Variants in NCALD observed in about 807,000 individuals in gnomAD.
NCALD encodes the protein neurocalcin delta, also known as neurocalcin-delta.
In NCALD, 10 loss-of-function variants were observed where a neutral mutation model predicts 18.6. The ratio of observed to expected loss-of-function variants is 0.54; its 90% CI spans 0.33 to 0.91. The LOEUF (loss-of-function observed/expected upper bound fraction) is 0.91, where lower values mean the gene tolerates loss of function less well. Among genes scored for constraint, NCALD ranks in the 40% least tolerant of loss-of-function variants. NCALD has a pLI of 0.03. For missense variants in NCALD, 184 were observed against 247.6 expected, an observed-to-expected ratio of 0.74 and a Z score of 1.72; for synonymous variants, 88 against 87.4, an observed-to-expected ratio of 1.01 and a Z score of -0.04.
intron 1 of NCALD, among the ~76,000 whole-genome samples, chr8:101,782,033 A>G (rs966166785): frequency 6.8e-6 from 1 of 147,268 alleles, no homozygotes; most frequent in Non-Finnish European, 1.5e-5. Flanking sequence ...AAGATTTTTC[A>G]GAATAATGTG....
intron 2 of NCALD, chr8:101,975,352 T>C (rs754921194): frequency 2.6e-5 from 4 of 152,326 alleles, no homozygotes; most frequent in Non-Finnish European, 2.9e-5. Flanking sequence ...TGGAGAGCTG[T>C]TGAACTATGG....
intron 1 of NCALD, among the ~76,000 whole-genome samples, chr8:102,034,032 A>AC (rs1359887459): frequency 6.6e-6 from 1 of 151,860 alleles, no homozygotes; most frequent in Non-Finnish European, 1.5e-5. Flanking sequence ...ACACACACAC[A>AC]CACACACACA....
At chr8:102,074,354 C>A (rs1824274932) in intron 1 of NCALD, among the ~76,000 whole-genome samples, 1 of 152,176 alleles carries the variant, frequency 6.6e-6, no homozygotes, top group Admixed American at 6.5e-5. Flanking sequence ...GAAAATGGCA[C>A]CAGAAGTACA....
intron 1 of NCALD, among the ~76,000 whole-genome samples, chr8:102,062,645 C>T (rs1302882535): frequency 1.3e-5 from 2 of 152,248 alleles, no homozygotes; most frequent in East Asian, 3.8e-4. Flanking sequence ...GCTCACAGAT[C>T]TGTCGGTTGG....
In NCALD at chr8:101,686,827, C is replaced by T. The variant is rs77783772; in HGVS notation, c.*2482G>A. ...GAACAGGTTTTATTTCCAAAGGTCC[C>T]TGAACACAGCAATGACAATGAACAG... On this transcript the variant is annotated 3_prime_UTR_variant, in exon 4 of 4. Coordinates refer to ENST00000220931, the MANE Select transcript of NCALD (RefSeq NM_032041.3). 2,060 of 152,526 alleles carry T rather than the reference C, an allele frequency of 0.014. 21 individuals are homozygous for T. The highest frequency in any genetic ancestry group is 0.021 in the Non-Finnish European group (1,449 of 68,060). The allele number at this position is 152,526 out of a possible 1,614,324, so 9.4% of individuals were successfully genotyped here.
intron 1 of NCALD, among the ~76,000 whole-genome samples, chr8:101,722,297 A>C (rs1305929458): frequency 6.6e-6 from 1 of 152,206 alleles, no homozygotes; most frequent in African/African-American, 2.4e-5. Flanking sequence ...ACAGAGTTAC[A>C]GAGGCTGGTT....
intron 2 of NCALD, among the ~76,000 whole-genome samples, chr8:101,700,174 T>C (rs1344556691): frequency 6.6e-6 from 1 of 151,960 alleles, no homozygotes; most frequent in Non-Finnish European, 1.5e-5. Context: ...AATCCTCCTG[T>C]CCCAGCCTCC....
chr8:101,851,048 C>G (rs1239857392), intron 4 of NCALD, among the ~76,000 whole-genome samples: 1 of 152,152 alleles, frequency 6.6e-6, no homozygotes, highest in Non-Finnish European at 1.5e-5. Flanking sequence ...AAAGCCTTAT[C>G]AATGTTTCAA....
intron 1 of NCALD, among the ~76,000 whole-genome samples, chr8:101,748,045 T>G (rs1411540106): frequency 5.3e-5 from 8 of 152,192 alleles, no homozygotes; most frequent in Non-Finnish European, 1.2e-4. Context: ...ACACTAATAA[T>G]GGAATGAGAA....
intron 1 of NCALD, among the ~76,000 whole-genome samples, chr8:102,074,965 G>T (rs1173280183): frequency 6.6e-6 from 1 of 152,074 alleles, no homozygotes; most frequent in East Asian, 1.9e-4. Context: ...TTTCCATAAG[G>T]TGATAACGTG....
At chr8:101,736,226 T>C (rs899003388) in intron 1 of NCALD, among the ~76,000 whole-genome samples, 1 of 152,150 alleles carries the variant, frequency 6.6e-6, no homozygotes, top group African/African-American at 2.4e-5. Flanking sequence ...GAAGCTCCCA[T>C]TATGTAAGTA....
chr8:101,719,744 C>G, intron 1 of NCALD, 96 bp from the exon 2 acceptor site: 1 of 1,207,772 alleles, frequency 8.3e-7, no homozygotes, highest in Non-Finnish European at 1.1e-6. Context: ...GAAGAAAAAA[C>G]AAACAAATAA....
chr8:102,077,476 A>C (rs753615123), intron 1 of NCALD, among the ~76,000 whole-genome samples: 6 of 152,220 alleles, frequency 3.9e-5, no homozygotes, highest in Non-Finnish European at 8.8e-5. Context: ...AGAGGGAACT[A>C]ATAAAAAGTC....
At chr8:101,938,483 G>C (rs868273259) in intron 2 of NCALD, among the ~76,000 whole-genome samples, 1 of 152,142 alleles carries the variant, frequency 6.6e-6, no homozygotes, top group African/African-American at 2.4e-5. Context: ...GTTCTACAGA[G>C]TCTAGTAACA....
chr8:102,104,361 T>A (rs1272599571), intron 1 of NCALD, among the ~76,000 whole-genome samples: 3 of 152,142 alleles, frequency 2.0e-5, no homozygotes, highest in Non-Finnish European at 2.9e-5. Flanking sequence ...AGGGGGCACC[T>A]AGCAAGAGCC....
At chr8:101,829,809 C>T (rs905419818) in intron 4 of NCALD, among the ~76,000 whole-genome samples, 1 of 152,150 alleles carries the variant, frequency 6.6e-6, no homozygotes, top group Non-Finnish European at 1.5e-5. Flanking sequence ...CATTTGTTCT[C>T]ATCCTTGATT....
At chr8:101,997,225 A>T (rs1164522410) in intron 2 of NCALD, among the ~76,000 whole-genome samples, 1 of 152,220 alleles carries the variant, frequency 6.6e-6, no homozygotes, top group Non-Finnish European at 1.5e-5. Flanking sequence ...TGACGTTTTA[A>T]CTTAACATTT....
chr8:101,955,822 T>C (rs1819602601), intron 2 of NCALD, among the ~76,000 whole-genome samples: 1 of 152,214 alleles, frequency 6.6e-6, no homozygotes, highest in Non-Finnish European at 1.5e-5. Flanking sequence ...GACTGTAGCT[T>C]AGATACTAGT....
In NCALD at chr8:101,689,558, C is replaced by T; in HGVS notation, c.485-152G>A. 1 of 637,590 alleles carries T rather than the reference C, an allele frequency of 1.6e-6. No homozygotes were observed. The highest frequency in any genetic ancestry group is 2.8e-6 in the Non-Finnish European group (1 of 359,728). The allele number at this position is 637,590 out of a possible 1,614,324, so 39.5% of individuals were successfully genotyped here. On this transcript the variant is annotated intron_variant, in intron 3 of 3. Transcript: ENST00000220931. The surrounding 1 kb of genome is among the most constrained non-coding windows in gnomAD (Gnocchi z 4.4). The stretch of plus-strand genomic sequence containing the variant: ...GCACTCACCTGTCCCGGGGAAGAGC[C>T]CAGTGGAATCTCCAGGAACACTGCT...
Sources: allele counts gnomAD v4.1 joint callset (sites outside exome capture counted in the v4.1 genomes callset), GRCh38; gene constraint gnomAD v4.1.1; non-coding constraint Gnocchi (gnomAD v3.1); transcripts MANE v1.5; gene names NCBI Gene and HGNC (gene_info 2026-07-23, HGNC 2026-07-21).